Variants in C8orf34 observed in about 807,000 individuals in gnomAD.
The protein encoded by C8orf34 is chromosome 8 open reading frame 34.
A neutral mutation model predicts 68.3 loss-of-function variants in C8orf34; 65 were observed. The observed-to-expected ratio is 0.95, with a 90% CI of 0.78 to 1.17. The LOEUF is 1.17. C8orf34 is among the 50% of genes most tolerant of loss of function. The pLI is 0.00. For missense variants in C8orf34, 664 were observed against 655.4 expected (o/e 1.01, Z -0.14); for synonymous variants, 244 against 241.2 (o/e 1.01, Z -0.11).
intron 1 of C8orf34, among the ~76,000 whole-genome samples, chr8:68,345,313 T>C (rs780554471): frequency 6.6e-6 from 1 of 151,986 alleles, no homozygotes. Flanking sequence ...AGGTACATTG[T>C]ATTTGTTACA....
At chr8:68,604,731 T>A (rs1250285327) in intron 7 of C8orf34, among the ~76,000 whole-genome samples, 1 of 152,062 alleles carries the variant, frequency 6.6e-6, no homozygotes, top group Non-Finnish European at 1.5e-5. Flanking sequence ...GAGACCTAAA[T>A]GTAAAAGGCA....
chr8:68,790,170 T>C (rs1823954251), intron 12 of C8orf34, among the ~76,000 whole-genome samples: 1 of 152,170 alleles, frequency 6.6e-6, no homozygotes, highest in African/African-American at 2.4e-5. Context: ...CATTGGTATC[T>C]CCACTGATAC....
chr8:68,598,590 T>C (rs1394954231), intron 7 of C8orf34, among the ~76,000 whole-genome samples: 1 of 152,156 alleles, frequency 6.6e-6, no homozygotes, highest in Non-Finnish European at 1.5e-5. Context: ...TTCTCTATTA[T>C]GACTACTTGT....
At chr8:68,351,716 C>A (rs1297413971) in intron 1 of C8orf34, among the ~76,000 whole-genome samples, 1 of 151,908 alleles carries the variant, frequency 6.6e-6, no homozygotes, top group Non-Finnish European at 1.5e-5. Flanking sequence ...GGGTAAATAC[C>A]AGGTAGCATG....
chr8:68,445,899 C>T (rs1312975134), intron 2 of C8orf34, among the ~76,000 whole-genome samples: 1 of 152,140 alleles, frequency 6.6e-6, no homozygotes. Context: ...AAGTAATTCT[C>T]CTGTCTCAGC....
chr8:68,717,237 A>G (rs1382679867), intron 9 of C8orf34, among the ~76,000 whole-genome samples: 1 of 152,082 alleles, frequency 6.6e-6, no homozygotes, highest in Non-Finnish European at 1.5e-5. Context: ...TCTAAATAAT[A>G]TGTTCTTTAG....
intron 7 of C8orf34, among the ~76,000 whole-genome samples, chr8:68,636,678 G>A (rs1220302902): frequency 6.6e-6 from 1 of 152,122 alleles, no homozygotes; most frequent in Non-Finnish European, 1.5e-5. Context: ...AAAAGGTAAG[G>A]TGAGAGATCC....
intron 7 of C8orf34, among the ~76,000 whole-genome samples, chr8:68,558,281 GA>G (rs753658745): frequency 1.3e-5 from 2 of 151,914 alleles, no homozygotes; most frequent in East Asian, 3.9e-4. Flanking sequence ...TAGCATTGGA[GA>G]ACGAACTATT....
chr8:68,537,526 GTCC>G lies in C8orf34; in HGVS notation c.1105+4382_1105+4384del, dbSNP rs1742428901. Among the ~76,000 whole-genome samples, 4 of 150,168 alleles carry G rather than the reference GTCC, an allele frequency of 2.7e-5. No homozygotes were observed. In the South Asian group the frequency reaches 6.3e-4, roughly 24 times the overall value. ...AATGCAGTTTGTATCACTTTCTTAT[GTCC>G]TCCTTCCTGATATATTTTATAGGAG... On this transcript the variant is annotated intron_variant, in intron 7 of 13. Coordinates refer to ENST00000518698, the MANE Select transcript of C8orf34 (RefSeq NM_052958.4).
chr8:68,416,064 G>A lies in C8orf34; in HGVS notation c.328-23435G>A, dbSNP rs541437917. ...GTATTGAAAGCACCTAGGACTATGCGTCATAGATTAATTATTTTACTTTCT... is the reference window on the plus strand; with the variant it reads ...GTATTGAAAGCACCTAGGACTATGCATCATAGATTAATTATTTTACTTTCT... On this transcript the variant is annotated intron_variant, in intron 1 of 13. Coordinates refer to ENST00000518698, the MANE Select transcript of C8orf34 (RefSeq NM_052958.4). Among the ~76,000 whole-genome samples the A allele has an allele frequency of 7.9e-5, 12 of 152,236 alleles. No individual in the cohort carries two copies. The East Asian group carries it at 1.4e-3, about 17-fold the overall frequency.
At chr8:68,720,601 T>G (rs2129526421) in intron 9 of C8orf34, among the ~76,000 whole-genome samples, 1 of 152,052 alleles carries the variant, frequency 6.6e-6, no homozygotes, top group South Asian at 2.1e-4. Context: ...AACTGATTTT[T>G]TTTTTTAATT....
intron 1 of C8orf34, among the ~76,000 whole-genome samples, chr8:68,355,460 T>G (rs1352879084): frequency 1.3e-5 from 2 of 152,182 alleles, no homozygotes; most frequent in African/African-American, 4.8e-5. Context: ...GAAAACAGTT[T>G]GAAGAGCCTA....
At chr8:68,730,481 G>A (rs1821949887) in intron 10 of C8orf34, among the ~76,000 whole-genome samples, 1 of 152,034 alleles carries the variant, frequency 6.6e-6, no homozygotes, top group Non-Finnish European at 1.5e-5. Flanking sequence ...TTTCAGGTCT[G>A]TTGATTTCTG....
chr8:68,774,943 C>CAAAAAAAAAAAAAAAAAAAAAAAA (rs1491565981), intron 10 of C8orf34, among the ~76,000 whole-genome samples: 3 of 36,356 alleles, frequency 8.3e-5, no homozygotes, highest in African/African-American at 7.0e-4. Context: ...CCTGTCTCCA[C>CAAAAAAAAAAAAAAAAAAAAAAAA]TAAAAAAAAA....
intron 7 of C8orf34, among the ~76,000 whole-genome samples, chr8:68,605,875 G>T (rs917282546): frequency 2.6e-5 from 4 of 152,074 alleles, no homozygotes; most frequent in African/African-American, 9.7e-5. Flanking sequence ...TATGGACTTT[G>T]GGTGATGATG....
intron 1 of C8orf34, among the ~76,000 whole-genome samples, chr8:68,386,587 G>A (rs1808271294): frequency 1.3e-5 from 2 of 152,154 alleles, no homozygotes; most frequent in African/African-American, 2.4e-5. Flanking sequence ...CCTCCTAAGT[G>A]TCTATGACAT....
intron 7 of C8orf34, among the ~76,000 whole-genome samples, chr8:68,606,074 C>T (rs1039918732): frequency 6.6e-6 from 1 of 152,072 alleles, no homozygotes; most frequent in African/African-American, 2.4e-5. Flanking sequence ...CTCATGAAGT[C>T]AGGGATAAAG....
At chr8:68,561,205 A>G (rs1323904653) in intron 7 of C8orf34, among the ~76,000 whole-genome samples, 4 of 151,400 alleles carry the variant, frequency 2.6e-5, no homozygotes, top group African/African-American at 7.3e-5. Flanking sequence ...CTGGTCTTGA[A>G]CTCCTGGGAT....
intron 1 of C8orf34, among the ~76,000 whole-genome samples, chr8:68,396,850 G>A (rs1808735827): frequency 6.6e-6 from 1 of 151,188 alleles, no homozygotes; most frequent in African/African-American, 2.4e-5. Context: ...AGGCCTTCAT[G>A]AGAAGCAGAT....
Sources: allele counts gnomAD v4.1 joint callset (sites outside exome capture counted in the v4.1 genomes callset), GRCh38; gene constraint gnomAD v4.1.1; transcripts MANE v1.5; gene names NCBI Gene and HGNC (gene_info 2026-07-23, HGNC 2026-07-21).